Variants in STPG2 observed in about 807,000 individuals in gnomAD.
STPG2 encodes sperm-tail PG-rich repeat-containing protein 2.
STPG2 carries 56 observed loss-of-function variants against 54.2 expected under a neutral mutation model. That is an observed-to-expected ratio of 1.03 (90% CI 0.83 to 1.29). STPG2 has a LOEUF of 1.29. STPG2 is among the 50% of genes most tolerant of loss of function. The pLI is 0.00. For synonymous variants in STPG2, 200 were observed against 181.8 expected (o/e 1.10, Z -0.81); for missense variants, 596 against 544.9 (o/e 1.09, Z -0.93).
intron 10 of STPG2, among the ~76,000 whole-genome samples, chr4:97,577,009 T>C (rs1732741255): frequency 6.6e-6 from 1 of 152,094 alleles, no homozygotes; most frequent in Admixed American, 6.6e-5. Context: ...TCACTAATCA[T>C]CAGAGAAATG....
chr4:97,957,697 C>T (rs1733732679), intron 7 of STPG2, among the ~76,000 whole-genome samples: 1 of 152,056 alleles, frequency 6.6e-6, no homozygotes. Context: ...TAAAGGAAAA[C>T]CTATCAGATT....
At chr4:97,877,463 C>T (rs573133561) in intron 8 of STPG2, among the ~76,000 whole-genome samples, 1 of 152,292 alleles carries the variant, frequency 6.6e-6, no homozygotes, top group Non-Finnish European at 1.5e-5. Context: ...GTTTAACGGA[C>T]TCACAGTTCC....
chr4:97,811,097 C>T (rs1578585168), intron 9 of STPG2, among the ~76,000 whole-genome samples: 2 of 151,848 alleles, frequency 1.3e-5, no homozygotes, highest in Admixed American at 1.3e-4. Context: ...AGACATTTTC[C>T]CAAAGAATAC....
At chr4:97,568,979 T>C (rs1453203391) in intron 10 of STPG2, among the ~76,000 whole-genome samples, 1 of 152,102 alleles carries the variant, frequency 6.6e-6, no homozygotes, top group Non-Finnish European at 1.5e-5. Flanking sequence ...AAAAGGGTTC[T>C]TGGGCATCGT....
intron 10 of STPG2, among the ~76,000 whole-genome samples, chr4:97,643,176 T>A (rs552104200): frequency 4.4e-4 from 67 of 151,778 alleles, no homozygotes; most frequent in Non-Finnish European, 7.5e-4. Context: ...GAGCTTTTAA[T>A]CTAGTAGAAA....
At chr4:97,983,542 TG>T (rs887658594) in intron 5 of STPG2, among the ~76,000 whole-genome samples, 1 of 152,168 alleles carries the variant, frequency 6.6e-6, no homozygotes, top group Non-Finnish European at 1.5e-5. Context: ...ACTGAGCAGG[TG>T]GGGGGCCCTT....
intron 4 of STPG2, among the ~76,000 whole-genome samples, chr4:97,508,502 T>A (rs1354507070): frequency 2.0e-5 from 3 of 152,066 alleles, no homozygotes; most frequent in African/African-American, 7.2e-5. Flanking sequence ...CATTTCAATA[T>A]ATGTACAGGT....
chr4:98,107,189 C>G (rs1254849324), intron 4 of STPG2, among the ~76,000 whole-genome samples: 1 of 151,778 alleles, frequency 6.6e-6, no homozygotes, highest in Admixed American at 6.6e-5. Context: ...GTATCTTTAC[C>G]AAAAAGAGAC....
chr4:98,106,613 C>T (rs1426665), intron 4 of STPG2, among the ~76,000 whole-genome samples: 59,464 of 151,932 alleles, frequency 0.39, 11,870 homozygotes, highest in Middle Eastern at 0.45. Flanking sequence ...AGCATTGCTA[C>T]CTACTGCTAC....
intron 4 of STPG2, among the ~76,000 whole-genome samples, chr4:97,545,984 G>T (rs1451570786): frequency 6.6e-6 from 1 of 151,966 alleles, no homozygotes; most frequent in Non-Finnish European, 1.5e-5. Context: ...AAAGAGGCCA[G>T]AAGTAGGACA....
intron 5 of STPG2, among the ~76,000 whole-genome samples, chr4:97,995,252 C>T (rs1735167260): frequency 6.7e-6 from 1 of 149,180 alleles, no homozygotes; most frequent in Admixed American, 6.8e-5. Flanking sequence ...AGGCTACAAG[C>T]CTCCCAGCTG....
At chr4:97,983,433 C>T (rs957776855) in intron 5 of STPG2, among the ~76,000 whole-genome samples, 1 of 152,106 alleles carries the variant, frequency 6.6e-6, no homozygotes, top group Non-Finnish European at 1.5e-5. Context: ...GGGTTGGCAT[C>T]CCTAATCTCT....
intron 10 of STPG2, among the ~76,000 whole-genome samples, chr4:97,646,032 A>G (rs1437858054): frequency 6.6e-6 from 1 of 152,106 alleles, no homozygotes; most frequent in Non-Finnish European, 1.5e-5. Context: ...ATTGGGCTCA[A>G]TGATCTGATT....
chr4:97,487,134 T>C (rs1730386784), intron 4 of STPG2, among the ~76,000 whole-genome samples: 1 of 150,558 alleles, frequency 6.6e-6, no homozygotes, highest in Admixed American at 6.6e-5. Flanking sequence ...AGACTACAAA[T>C]AGGGTGCAGT....
intron 4 of STPG2, among the ~76,000 whole-genome samples, chr4:97,514,769 T>C (rs1462069685): frequency 6.6e-6 from 1 of 152,084 alleles, no homozygotes; most frequent in Admixed American, 6.6e-5. Context: ...TTTTATCTTT[T>C]TTATTACCAC....
chr4:97,952,717 ATAGCCT>A (rs1733520199), intron 7 of STPG2, among the ~76,000 whole-genome samples: 1 of 152,158 alleles, frequency 6.6e-6, no homozygotes, highest in Non-Finnish European at 1.5e-5. Flanking sequence ...TTCGTTATAA[ATAGCCT>A]TAGTGTGTTG....
At chr4:98,130,921 C>CAAAAAAA (rs34206321) in intron 2 of STPG2, among the ~76,000 whole-genome samples, 65 of 41,488 alleles carry the variant, frequency 1.6e-3, no homozygotes, top group Non-Finnish European at 2.1e-3. Flanking sequence ...GACTCCGTCT[C>CAAAAAAA]AAAAAAAAAA....
chr4:97,501,213 G>A (rs1361442146), intron 4 of STPG2, among the ~76,000 whole-genome samples: 1 of 152,080 alleles, frequency 6.6e-6, no homozygotes, highest in Non-Finnish European at 1.5e-5. Flanking sequence ...ATATAGTAGT[G>A]TAGAGAAAAT....
intron 8 of STPG2, among the ~76,000 whole-genome samples, chr4:97,861,873 G>C (rs1390705030): frequency 6.6e-6 from 1 of 152,076 alleles, no homozygotes; most frequent in African/African-American, 2.4e-5. Flanking sequence ...AGCAAATGCT[G>C]AGAGATTTTG....
Sources: gnomAD v4.1 joint callset for allele counts (sites outside exome capture counted in the v4.1 genomes callset) on GRCh38, gnomAD v4.1.1 for gene constraint, MANE v1.5 for transcripts, NCBI Gene and HGNC (gene_info 2026-07-23, HGNC 2026-07-21) for gene names.